The following ALKBH1 variants were observed in gnomAD, a reference collection of about 807,000 sequenced individuals.
ALKBH1 encodes the protein alkB homolog 1, histone H2A dioxygenase, also known as nucleic acid dioxygenase ALKBH1.
Under a neutral mutation model 36.6 loss-of-function variants are expected in ALKBH1, and 31 were observed. The ratio of observed to expected loss-of-function variants is 0.85; its 90% confidence interval spans 0.64 to 1.14. The LOEUF is 1.14. Ranked by LOEUF, ALKBH1 falls within the 50% of genes most tolerant of loss-of-function variation. The pLI is 0.00. For missense variants in ALKBH1, 490 were observed against 497.3 expected, an observed-to-expected ratio of 0.99 and a Z score of 0.14; for synonymous variants, 183 against 186.6, an observed-to-expected ratio of 0.98 and a Z score of 0.16.
intron 3 of ALKBH1, among the ~76,000 whole-genome samples, chr14:77,684,634 T>G (rs191390194): frequency 5.3e-4 from 80 of 152,322 alleles, no homozygotes; most frequent in Non-Finnish European, 8.5e-4. Flanking sequence ...AGTCACAGCT[T>G]GCTGCAGGCT....
In ALKBH1 at chr14:77,674,110, C is replaced by T. The variant is rs747432161; in HGVS notation, c.872G>A (p.Arg291His). 13 of 1,613,932 alleles carry T rather than the reference C, an allele frequency of 8.1e-6. No individual in the cohort carries two copies. The highest frequency in any genetic ancestry group is 1.0e-5 in the Non-Finnish European group (12 of 1,180,030). Residue 291 changes from arginine (R) to histidine (H), a missense_variant, in exon 6 of 6, where the codon CGT becomes CAT. Arg to His is a conservative substitution (Grantham distance 29). Coordinates refer to ENST00000216489, the MANE Select transcript of ALKBH1 (RefSeq NM_006020.3). ...TTCCCCTTCTGGATTTGGAAGGACA[C>T]GAGGGACTGCGTGGTTCAAGAGGCG... ...FSRLLNHAVPRVLPNPEGEGL... is the reference protein window; with the variant it reads ...FSRLLNHAVPHVLPNPEGEGL...
chr14:77,691,171 A>T (rs1595054399), intron 3 of ALKBH1, among the ~76,000 whole-genome samples: 1 of 152,314 alleles, frequency 6.6e-6, no homozygotes, highest in East Asian at 1.9e-4. Context: ...AAAAGAACAG[A>T]ATTGAGGTAC....
intron 1 of ALKBH1, among the ~76,000 whole-genome samples, chr14:77,705,484 C>T (rs2139868804): frequency 6.6e-6 from 1 of 150,482 alleles, no homozygotes; most frequent in East Asian, 2.0e-4. Context: ...TGCAGTGAGA[C>T]ACTGGGAATC....
At position 77,698,012 on chromosome 14, in the gene ALKBH1, A is replaced by G. The variant is rs78006728; in HGVS notation, c.293-3112T>C. Among the ~76,000 whole-genome samples, 459 of 152,334 alleles carry G rather than the reference A, an allele frequency of 3.0e-3. 1 individual carries two copies. The highest frequency in any genetic ancestry group is 4.9e-3 in the Non-Finnish European group (334 of 68,034). ...TGGGTGACAAAAACAGACTGCCTCAAAAGAAAAAAAAAGAATTAGAGATAA... is the reference window on the plus strand; with the variant it reads ...TGGGTGACAAAAACAGACTGCCTCAGAAGAAAAAAAAAGAATTAGAGATAA... On this transcript the variant is annotated intron_variant, in intron 2 of 5. Transcript: ENST00000216489.
chr14:77,684,253 T>C (rs1031892198), intron 3 of ALKBH1, among the ~76,000 whole-genome samples: 19 of 152,366 alleles, frequency 1.2e-4, no homozygotes, highest in African/African-American at 4.3e-4. Flanking sequence ...ATGATACTTA[T>C]GCTGCTGGTC....
intron 2 of ALKBH1, among the ~76,000 whole-genome samples, chr14:77,695,588 C>T (rs1441551405): frequency 6.6e-6 from 1 of 152,218 alleles, no homozygotes; most frequent in Non-Finnish European, 1.5e-5. Context: ...TTCCAAGCTT[C>T]TCAATGTAGT....
intron 4 of ALKBH1, among the ~76,000 whole-genome samples, chr14:77,677,099 G>C (rs2080210520): frequency 1.3e-5 from 2 of 151,780 alleles, no homozygotes; most frequent in South Asian, 4.2e-4. Flanking sequence ...GAGTGCAGTG[G>C]TACGATCTCT....
intron 1 of ALKBH1, among the ~76,000 whole-genome samples, chr14:77,707,151 C>T (rs905174779): frequency 6.6e-6 from 1 of 152,160 alleles, no homozygotes; most frequent in Non-Finnish European, 1.5e-5. Flanking sequence ...TCTTGCCATG[C>T]CCCAGGCTGG....
chr14:77,688,553 C>CT (rs11395756), intron 3 of ALKBH1, among the ~76,000 whole-genome samples: 19,784 of 125,628 alleles, frequency 0.16, 2,196 homozygotes, highest in African/African-American at 0.28. Flanking sequence ...TGCACCCAGC[C>CT]TTTTTTTTTT....
At chr14:77,677,654 G>A (rs924219580) in intron 4 of ALKBH1, among the ~76,000 whole-genome samples, 2 of 152,154 alleles carry the variant, frequency 1.3e-5, no homozygotes, top group African/African-American at 2.4e-5. Context: ...TTAACTTCAG[G>A]TGTAAGGAAG....
rs1218369310 is a variant in ALKBH1, at chr14:77,707,973, A to G, written c.32T>C (p.Val11Ala). The stretch of plus-strand genomic sequence containing the variant: ...CCCGGGCTCAGTCGCCAGAGTCGCC[A>G]CAGAGCCCACGGCCGCTGCCATCTT... MGKMAAAVGS[V>A]ATLATEPGED... The change falls in exon 1 of 6, where the codon GTG becomes GCG. Residue 11 changes from valine to alanine, a missense_variant. Coordinates refer to ENST00000216489, the MANE Select transcript of ALKBH1 (RefSeq NM_006020.3). 6.2e-7 allele frequency: 1 copy of G among 1,612,894 alleles called. No individual in the cohort carries two copies. The highest frequency in any genetic ancestry group is 8.5e-7 in the Non-Finnish European group (1 of 1,179,576).
chr14:77,700,624 C>G (rs995822329), intron 2 of ALKBH1, among the ~76,000 whole-genome samples: 1 of 152,170 alleles, frequency 6.6e-6, no homozygotes, highest in South Asian at 2.1e-4. Flanking sequence ...AACCTACCAC[C>G]TGCTATCACC....
intron 3 of ALKBH1, among the ~76,000 whole-genome samples, chr14:77,693,445 T>C (rs1383260917): frequency 1.3e-5 from 2 of 152,184 alleles, no homozygotes; most frequent in Non-Finnish European, 2.9e-5. Context: ...CCTTTGAATC[T>C]CTAACACTAA....
chr14:77,706,437 A>G (rs2080391430), intron 1 of ALKBH1, among the ~76,000 whole-genome samples: 1 of 152,170 alleles, frequency 6.6e-6, no homozygotes, highest in Non-Finnish European at 1.5e-5. Flanking sequence ...CTGAGCTTTT[A>G]TAAAAGGTTT....
At chr14:77,689,730 A>G (rs1052331252) in intron 3 of ALKBH1, among the ~76,000 whole-genome samples, 2 of 152,180 alleles carry the variant, frequency 1.3e-5, no homozygotes, top group Non-Finnish European at 2.9e-5. Context: ...CTGCTTCCAC[A>G]ATGAGGGTAA....
At chr14:77,681,027 A>G (rs2080235009) in intron 3 of ALKBH1, among the ~76,000 whole-genome samples, 1 of 152,136 alleles carries the variant, frequency 6.6e-6, no homozygotes, top group Admixed American at 6.5e-5. Flanking sequence ...ACCTCCAAAT[A>G]TCTAAAAATA....
At chr14:77,686,956 TTC>T (rs560704208) in intron 3 of ALKBH1, among the ~76,000 whole-genome samples, 114 of 152,248 alleles carry the variant, frequency 7.5e-4, no homozygotes, top group Non-Finnish European at 9.9e-4. Context: ...GCTTCCAGTT[TTC>T]TCTCTCCCTT....
At chr14:77,703,659 G>A (rs191256570) in intron 2 of ALKBH1, among the ~76,000 whole-genome samples, 84 of 143,952 alleles carry the variant, frequency 5.8e-4, no homozygotes, top group Non-Finnish European at 9.7e-4. Flanking sequence ...GTGCAATGGC[G>A]CGATCTTGGC....
chr14:77,679,775 A>C, intron 4 of ALKBH1, 105 bp downstream of exon 4: 1 of 876,994 alleles, frequency 1.1e-6, no homozygotes, highest in Non-Finnish European at 1.8e-6. Flanking sequence ...ATCCTCCCAC[A>C]AATGTATAAT....
Sources: gnomAD v4.1 joint callset for allele counts (sites outside exome capture counted in the v4.1 genomes callset) on GRCh38, gnomAD v4.1.1 for gene constraint, MANE v1.5 for transcripts, NCBI Gene and HGNC (gene_info 2026-07-23, HGNC 2026-07-21) for gene names.